The following DMC1 variants were observed in gnomAD, a reference collection of about 807,000 sequenced individuals.
DMC1 encodes meiotic recombination protein DMC1 homolog.
Under a neutral mutation model 50.1 loss-of-function variants are expected in DMC1, and 27 were observed. That is an observed-to-expected ratio of 0.54 (90% CI 0.40 to 0.74). The LOEUF (loss-of-function observed/expected upper bound fraction) is 0.74. Among genes scored for constraint, DMC1 ranks in the 30% least tolerant of loss-of-function variants. DMC1 has a pLI of 0.00. For missense variants in DMC1, 295 were observed against 420.2 expected, an observed-to-expected ratio of 0.70 and a Z score of 2.60; for synonymous variants, 148 against 136.1, an observed-to-expected ratio of 1.09 and a Z score of -0.61.
intron 5 of DMC1, among the ~76,000 whole-genome samples, chr22:38,557,953 G>GTTTTTTTTTT (rs1555940699): frequency 4.2e-5 from 4 of 94,972 alleles, no homozygotes; most frequent in Admixed American, 1.0e-4. Context: ...ATTAGACAAA[G>GTTTTTTTTTT]TTCTTTTTTT....
chr22:38,518,871 A>G (rs964281039), downstream of DMC1: 4 of 152,206 alleles, frequency 2.6e-5, no homozygotes, highest in Non-Finnish European at 5.9e-5. Context: ...ATTAAAGTCT[A>G]TAAAGATTGA....
chr22:38,530,105 T>C (rs543640387), intron 12 of DMC1, among the ~76,000 whole-genome samples: 39 of 152,222 alleles, frequency 2.6e-4, no homozygotes, highest in African/African-American at 9.4e-4. Flanking sequence ...TAGCTGGGAT[T>C]ACAGGAACCC....
At chr22:38,516,645 T>C (rs1057344681), downstream of DMC1, among the ~76,000 whole-genome samples, 1 of 152,038 alleles carries the variant, frequency 6.6e-6, no homozygotes, top group Admixed American at 6.6e-5. Context: ...GAAAGTTTAT[T>C]ATACTCAGGT....
intron 12 of DMC1, 46 bp downstream of exon 12, chr22:38,537,546 T>C (rs555698329): frequency 3.2e-6 from 5 of 1,552,788 alleles, no homozygotes; most frequent in Non-Finnish European, 4.4e-6. Flanking sequence ...TCTAACCCTC[T>C]TTATATTAAC....
intron 5 of DMC1, among the ~76,000 whole-genome samples, chr22:38,562,037 G>T (rs2090532728): frequency 6.6e-6 from 1 of 152,074 alleles, no homozygotes; most frequent in South Asian, 2.1e-4. Context: ...TTTAAAAGTG[G>T]TTTGAGATTA....
chr22:38,514,339 G>A (rs181228244), downstream of DMC1, among the ~76,000 whole-genome samples: 2 of 150,252 alleles, frequency 1.3e-5, no homozygotes, highest in East Asian at 3.9e-4. Context: ...CCACCTCCCG[G>A]GTTCAAGCGA....
At chr22:38,525,998 G>A (rs890616764) in intron 12 of DMC1, among the ~76,000 whole-genome samples, 1 of 151,780 alleles carries the variant, frequency 6.6e-6, no homozygotes, top group Non-Finnish European at 1.5e-5. Flanking sequence ...GAAAAAGAAA[G>A]ATATTATGGG....
chr22:38,564,684 T>C (rs2090563666), intron 4 of DMC1, among the ~76,000 whole-genome samples: 1 of 152,238 alleles, frequency 6.6e-6, no homozygotes, highest in Admixed American at 6.5e-5. Flanking sequence ...AGATTCTTGG[T>C]GCAGTAGTGG....
At chr22:38,557,743 A>G (rs112606575) in intron 5 of DMC1, among the ~76,000 whole-genome samples, 16 of 152,186 alleles carry the variant, frequency 1.1e-4, no homozygotes, top group African/African-American at 3.6e-4. Flanking sequence ...TTTAACGTTT[A>G]AGATAATTTG....
chr22:38,538,473 AG>A (rs1290128107), intron 10 of DMC1, 64 bp from the exon 11 acceptor site: 1 of 1,601,058 alleles, frequency 6.2e-7, no homozygotes, highest in African/African-American at 1.3e-5. Context: ...TTATTTGAAT[AG>A]AGATCAATAG....
intron 5 of DMC1, among the ~76,000 whole-genome samples, chr22:38,560,336 A>T (rs1396926432): frequency 6.6e-6 from 1 of 152,140 alleles, no homozygotes; most frequent in Non-Finnish European, 1.5e-5. Flanking sequence ...TGGGAATAGC[A>T]AAGAGGTCAC....
chr22:38,551,852 CTTTCTTTTTT>C (rs1213670426), intron 7 of DMC1, among the ~76,000 whole-genome samples: 1 of 142,262 alleles, frequency 7.0e-6, no homozygotes, highest in Non-Finnish European at 1.5e-5. Flanking sequence ...TCCAGAACTC[CTTTCTTTTTT>C]TTTTTTTTTT....
intron 12 of DMC1, among the ~76,000 whole-genome samples, chr22:38,529,065 C>T (rs1023662056): frequency 1.7e-4 from 26 of 151,908 alleles, no homozygotes; most frequent in Non-Finnish European, 3.2e-4. Flanking sequence ...GGCTGGAGTG[C>T]AGTGGCACCA....
At position 38,538,625 on chromosome 22, in the gene DMC1, G is replaced by T. The variant is rs764445641; in HGVS notation, c.587-13C>A. 9.3e-6 allele frequency: 15 copies of T among 1,608,972 alleles called. No homozygotes were observed. In the Admixed American group the frequency reaches 2.3e-4, roughly 25 times the overall value. ...ATCTGATGTTCACCTGATGGGAAATGCAGTGAGAAAATGTTATAAAAGTTG... is the reference window on the plus strand; with the variant it reads ...ATCTGATGTTCACCTGATGGGAAATTCAGTGAGAAAATGTTATAAAAGTTG... On this transcript the variant is annotated splice_polypyrimidine_tract_variant and intron_variant, in intron 9 of 13. Coordinates refer to ENST00000216024, the MANE Select transcript of DMC1 (RefSeq NM_007068.4).
At chr22:38,540,633 T>G (rs2090270533) in intron 8 of DMC1, among the ~76,000 whole-genome samples, 1 of 152,208 alleles carries the variant, frequency 6.6e-6, no homozygotes, top group Non-Finnish European at 1.5e-5. Context: ...TTATTTGTGA[T>G]GTTTGCAATT....
intron 4 of DMC1, among the ~76,000 whole-genome samples, chr22:38,564,970 C>A (rs2090566615): frequency 6.6e-6 from 1 of 152,166 alleles, no homozygotes; most frequent in Non-Finnish European, 1.5e-5. Flanking sequence ...GCCTTGGCTG[C>A]CTCTGAAGAA....
chr22:38,527,644 C>T (rs1333644894), intron 12 of DMC1, among the ~76,000 whole-genome samples: 2 of 151,738 alleles, frequency 1.3e-5, no homozygotes, highest in Admixed American at 6.6e-5. Flanking sequence ...CTCAGCCTCC[C>T]AAGTAGCTGG....
At chr22:38,550,960 AAG>A (rs2090401024) in intron 7 of DMC1, among the ~76,000 whole-genome samples, 1 of 150,154 alleles carries the variant, frequency 6.7e-6, no homozygotes, top group Admixed American at 6.6e-5. Flanking sequence ...GAAAGAAAGA[AAG>A]AAAGAAAGAA....
downstream of DMC1, among the ~76,000 whole-genome samples, chr22:38,514,838 T>C (rs953666220): frequency 4.6e-5 from 7 of 152,146 alleles, no homozygotes; most frequent in Admixed American, 2.6e-4. Context: ...GGAAAATTCA[T>C]GAATAATCTG....
Sources: allele counts gnomAD v4.1 joint callset (sites outside exome capture counted in the v4.1 genomes callset), GRCh38; gene constraint gnomAD v4.1.1; transcripts MANE v1.5; gene names NCBI Gene and HGNC (gene_info 2026-07-23, HGNC 2026-07-21).